CATSPERB: variants seen among roughly 807,000 people sequenced by gnomAD.
The protein encoded by CATSPERB is cation channel sperm-associated auxiliary subunit beta.
In CATSPERB, 93 loss-of-function variants were observed where a neutral mutation model predicts 128.3. The ratio of observed to expected loss-of-function variants is 0.72; its 90% confidence interval spans 0.61 to 0.86. The LOEUF is 0.86. Among genes scored for constraint, CATSPERB ranks in the 40% least tolerant of loss-of-function variants. The probability of loss-of-function intolerance (pLI) is 0.00; values close to 1 mark genes in which losing one functional copy is unlikely to be tolerated. For missense variants in CATSPERB, 1,153 were observed against 1,329.5 expected (o/e 0.87, Z 2.06); for synonymous variants, 381 against 448.8 (o/e 0.85, Z 1.91).
chr14:91,678,796 C>A (rs1895233416), intron 11 of CATSPERB, among the ~76,000 whole-genome samples: 2 of 152,022 alleles, frequency 1.3e-5, no homozygotes, highest in Non-Finnish European at 2.9e-5. Flanking sequence ...GCAGAATGAT[C>A]TTTGTTTGTA....
intron 4 of CATSPERB, among the ~76,000 whole-genome samples, chr14:91,720,791 A>G: frequency 6.6e-6 from 1 of 152,170 alleles, no homozygotes; most frequent in East Asian, 1.9e-4. Context: ...TTGAAAAAGA[A>G]CAAAGTTAGA....
intron 22 of CATSPERB, among the ~76,000 whole-genome samples, chr14:91,600,585 G>T (rs1893592713): frequency 2.0e-5 from 3 of 152,180 alleles, no homozygotes; most frequent in Non-Finnish European, 4.4e-5. Context: ...CAATTTTAAA[G>T]ACACTTCAAC....
intron 20 of CATSPERB, among the ~76,000 whole-genome samples, chr14:91,613,498 G>A (rs1893872636): frequency 6.6e-6 from 1 of 152,186 alleles, no homozygotes; most frequent in Admixed American, 6.5e-5. Flanking sequence ...TTTTCTGGGT[G>A]CCAGGCAATG....
At chr14:91,655,827 A>G (rs1372530732) in intron 15 of CATSPERB, among the ~76,000 whole-genome samples, 1 of 152,192 alleles carries the variant, frequency 6.6e-6, no homozygotes, top group Non-Finnish European at 1.5e-5. Flanking sequence ...AGATATCAAT[A>G]TCCAAGCACA....
chr14:91,593,506 C>T (rs982492333), intron 22 of CATSPERB, among the ~76,000 whole-genome samples: 1 of 152,210 alleles, frequency 6.6e-6, no homozygotes, highest in African/African-American at 2.4e-5. Context: ...ATTTGACTGC[C>T]CTGCTGGATT....
At chr14:91,705,895 A>G (rs907324348) in intron 6 of CATSPERB, among the ~76,000 whole-genome samples, 1 of 152,216 alleles carries the variant, frequency 6.6e-6, no homozygotes, top group Non-Finnish European at 1.5e-5. Flanking sequence ...TATGCAAAGG[A>G]TTGGAGCTAA....
chr14:91,704,141 GTTTC>G (rs1895697814), intron 7 of CATSPERB, among the ~76,000 whole-genome samples: 2 of 152,038 alleles, frequency 1.3e-5, no homozygotes, highest in African/African-American at 4.8e-5. Context: ...AGAAACAGTT[GTTTC>G]TTTCCCTATA....
intron 10 of CATSPERB, among the ~76,000 whole-genome samples, chr14:91,686,108 C>T (rs776506256): frequency 1.3e-5 from 2 of 152,092 alleles, no homozygotes; most frequent in African/African-American, 4.8e-5. Flanking sequence ...TTTGAAAAGG[C>T]CTGCTTTAAT....
intron 26 of CATSPERB, among the ~76,000 whole-genome samples, chr14:91,586,959 C>A (rs1262034751): frequency 2.0e-5 from 3 of 152,156 alleles, no homozygotes; most frequent in South Asian, 4.1e-4. Flanking sequence ...AAAACAAAGA[C>A]AGCCACGTAT....
At chr14:91,624,580 G>A (rs1894117483) in intron 18 of CATSPERB, among the ~76,000 whole-genome samples, 1 of 151,928 alleles carries the variant, frequency 6.6e-6, no homozygotes, top group South Asian at 2.1e-4. Context: ...GGCAGAGGTT[G>A]CGGTGAGTCG....
At chr14:91,638,403 T>A (rs180857313) in intron 16 of CATSPERB, among the ~76,000 whole-genome samples, 19 of 150,242 alleles carry the variant, frequency 1.3e-4, no homozygotes, top group African/African-American at 4.4e-4. Context: ...CATGTTCCTT[T>A]TTTTTTTTTT....
intron 15 of CATSPERB, among the ~76,000 whole-genome samples, chr14:91,649,446 G>A (rs1894666444): frequency 6.6e-6 from 1 of 151,566 alleles, no homozygotes; most frequent in African/African-American, 2.4e-5. Context: ...GGAATTACAA[G>A]CATGAGCCAC....
Position 91,610,675 on chromosome 14 carries a change from AC to A in CATSPERB, c.2402del (p.Gly801ValfsTer25). Reference sequence around the variant, plus strand: ...ACATAATAAATGCCAGTGAAGTTGAACCCTGGAAATAACCAAATAAATGAAG... The same window carrying A: ...ACATAATAAATGCCAGTGAAGTTGAACCTGGAAATAACCAAATAAATGAAG... Reference protein sequence around the residue: ...ISAASKVLHQGSTSLAFIMWS... With the variant: ...ISAASKVLHQXSTSLAFIMWS... On this transcript the variant is annotated frameshift_variant and splice_region_variant, in exon 21 of 27. Coordinates refer to ENST00000256343, the MANE Select transcript of CATSPERB (RefSeq NM_024764.4). LOFTEE classifies it high-confidence loss of function. The A allele has an allele frequency of 6.2e-7, 1 of 1,613,878 alleles. No individual in the cohort carries two copies. Among genetic ancestry groups the A allele is most frequent in the Non-Finnish European group, 8.5e-7 (1 of 1,179,886 alleles).
chr14:91,698,594 T>C (rs1203706176), intron 7 of CATSPERB, among the ~76,000 whole-genome samples: 1 of 152,246 alleles, frequency 6.6e-6, no homozygotes, highest in Non-Finnish European at 1.5e-5. Context: ...TGAGAGTTTT[T>C]AACATGAAGG....
chr14:91,641,024 T>C (rs1408071825), intron 15 of CATSPERB, among the ~76,000 whole-genome samples: 2 of 138,720 alleles, frequency 1.4e-5, no homozygotes, highest in Non-Finnish European at 3.1e-5. Context: ...TTTGGCTGCA[T>C]AAATGTCTTC....
At position 91,669,815 on chromosome 14, in the gene CATSPERB, T is replaced by C. The variant is rs1365439241; in HGVS notation, c.1286A>G (p.Gln429Arg). 1 of 1,610,884 alleles carries C rather than the reference T, an allele frequency of 6.2e-7. No homozygotes were observed. Among genetic ancestry groups the C allele is most frequent in the South Asian group, 1.1e-5 (1 of 90,398 alleles). ...RSHFLYAYGN[Q>R]IWLSVDGGNT... ...GACTGAAGTTCCATGTGTACGCACCTGATTGCCATAAGCATACAAAAAGTG... is the reference window on the plus strand; with the variant it reads ...GACTGAAGTTCCATGTGTACGCACCCGATTGCCATAAGCATACAAAAAGTG... Residue 429 changes from glutamine (Q) to arginine (R), a missense_variant and splice_region_variant, in exon 14 of 27, where the codon CAG (glutamine) becomes CGG (arginine). Transcript: ENST00000256343.
rs542452772 is a variant in CATSPERB, at chr14:91,685,687, G to A, written c.865-1744C>T. On this transcript the variant is annotated intron_variant, in intron 10 of 26. Transcript: ENST00000256343. ...GGGAGGGATTTCTGAAGAATGAGTT[G>A]AAATTCTCTAAGTGAAATAGGAGGA... Among the ~76,000 whole-genome samples, 3 of 152,300 alleles carry A rather than the reference G, an allele frequency of 2.0e-5. No individual in the cohort carries two copies. The South Asian group carries it at 6.2e-4, about 32-fold the overall frequency.
intron 7 of CATSPERB, among the ~76,000 whole-genome samples, 182 bp downstream of exon 7, chr14:91,704,370 C>T (rs1895701759): frequency 6.6e-6 from 1 of 152,106 alleles, no homozygotes; most frequent in African/African-American, 2.4e-5. Context: ...AGTAAGAAAA[C>T]ATACTTAGTA....
intron 19 of CATSPERB, among the ~76,000 whole-genome samples, chr14:91,619,905 G>A (rs1595149853): frequency 9.7e-6 from 1 of 102,910 alleles, no homozygotes; most frequent in Non-Finnish European, 2.1e-5. Flanking sequence ...GTGTGTGTGT[G>A]TGTGTGTTTT....
Sources: gnomAD v4.1 joint callset for allele counts (sites outside exome capture counted in the v4.1 genomes callset) on GRCh38, gnomAD v4.1.1 for gene constraint, MANE v1.5 for transcripts, NCBI Gene and HGNC (gene_info 2026-07-23, HGNC 2026-07-21) for gene names.